Variants in NLRX1 observed in about 807,000 individuals in gnomAD.
NLRX1 encodes NLR family member X1, also known as NOD-like receptor X1.
NLRX1 carries 67 observed loss-of-function variants against 74.2 expected under a neutral mutation model. That is an observed-to-expected ratio of 0.90 (90% CI 0.74 to 1.11). The LOEUF (loss-of-function observed/expected upper bound fraction) is 1.11. NLRX1 is among the 50% of genes least tolerant of loss of function. The probability of loss-of-function intolerance (pLI) is 0.00; values close to 1 mark genes in which losing one functional copy is unlikely to be tolerated. For synonymous variants in NLRX1, 506 were observed against 559.1 expected, an observed-to-expected ratio of 0.91 and a Z score of 1.34; for missense variants, 1,191 against 1,305.4, an observed-to-expected ratio of 0.91 and a Z score of 1.35.
chr11:119,181,353 A>G (rs1948833206), intron 8 of NLRX1, 96 bp downstream of exon 8: 5 of 902,558 alleles, frequency 5.5e-6, no homozygotes, highest in South Asian at 4.1e-5. Flanking sequence ...CACCCAAGGG[A>G]TAGTAAATGG....
intron 5 of NLRX1, 105 bp from the exon 6 acceptor site, chr11:119,174,348 C>G: frequency 8.3e-7 from 1 of 1,208,168 alleles, no homozygotes; most frequent in Non-Finnish European, 1.2e-6. Context: ...TTATCCTCAT[C>G]AATGTCTTCA....
rs1273043891 is a variant in NLRX1 at position 119,180,143 on chromosome 11, A to G, written c.2122A>G (p.Met708Val). The G allele has an allele frequency of 3.1e-6, 5 of 1,613,314 alleles. No individual in the cohort carries two copies. Among genetic ancestry groups the G allele is most frequent in the African/African-American group, 2.7e-5 (2 of 75,066 alleles). Reference protein sequence around the residue: ...LRQLNLAGVRMTPVKCTVVAA... With the variant: ...LRQLNLAGVRVTPVKCTVVAA... Reference sequence around the variant, plus strand: ...TCAGCTCAACCTGGCAGGTGTGCGCATGACACCAGTCAAGTGCACAGTGGT... The same window carrying G: ...TCAGCTCAACCTGGCAGGTGTGCGCGTGACACCAGTCAAGTGCACAGTGGT... Residue 708 changes from methionine (M) to valine (V), a missense_variant, in exon 7 of 10, where the codon ATG becomes GTG. By Grantham distance (21) the Met-to-Val change is conservative (BLOSUM62 1). Transcript: ENST00000409109.
At chr11:119,170,741 C>T (rs1449252290) in intron 1 of NLRX1, among the ~76,000 whole-genome samples, 1 of 152,128 alleles carries the variant, frequency 6.6e-6, no homozygotes, top group Non-Finnish European at 1.5e-5. Context: ...CACAGGACTC[C>T]TATCTGAGCT....
chr11:119,168,335 T>C (rs556703847), upstream of NLRX1: 1 of 152,446 alleles, frequency 6.6e-6, no homozygotes, highest in East Asian at 1.9e-4. Flanking sequence ...CCATTCTTCC[T>C]TCTTTCTTAA....
chr11:119,183,136 G>A lies in NLRX1; in HGVS notation c.2625G>A (p.Leu875=). The A allele has an allele frequency of 1.2e-6, 2 of 1,614,042 alleles. No individual in the cohort carries two copies. The highest frequency in any genetic ancestry group is 8.5e-7 in the Non-Finnish European group (1 of 1,180,010). ...CTGCCAGCCTCTACTTCAATGAGCT[G>A]AGCTCAGAGGGCCGCCAGGTCTTGC... ...LELLHLYFNE[L]SSEGRQVLRD... Residue 875 remains leucine, a synonymous_variant, in exon 10 of 10, where the codon CTG becomes CTA. Transcript: ENST00000409109. This position sits in a 1 kb window ranked among gnomAD's most constrained non-coding sequence, Gnocchi z 5.7.
At chr11:119,181,142 A>G in intron 7 of NLRX1, 29 bp from the exon 8 acceptor site, 1 of 1,559,016 alleles carries the variant, frequency 6.4e-7, no homozygotes, top group Non-Finnish European at 8.8e-7. Context: ...CTGGTCTCTC[A>G]CCTCCCCTCT....
chr11:119,183,547 A>T lies in NLRX1; in HGVS notation c.*108A>T. ...TCTAGAAAGATTCCTTCAGGTCTGGAGGCAGAGGAATGGGCATAGCTGAGC... is the reference window on the plus strand; with the variant it reads ...TCTAGAAAGATTCCTTCAGGTCTGGTGGCAGAGGAATGGGCATAGCTGAGC... On this transcript the variant is annotated 3_prime_UTR_variant, in exon 10 of 10. Transcript: ENST00000409109. The surrounding 1 kb of genome is among the most constrained non-coding windows in gnomAD (Gnocchi z 5.7). 8.7e-7 allele frequency: 1 copy of T among 1,145,124 alleles called. No individual in the cohort carries two copies. The highest frequency in any genetic ancestry group is 1.3e-6 in the Non-Finnish European group (1 of 793,668). The allele number at this position is 1,145,124 out of a possible 1,614,324, so 70.9% of individuals were successfully genotyped here. A position where few individuals can be genotyped will look rare whatever the true frequency, so the allele number is the denominator to read the frequency against.
rs1948618238 is a variant in NLRX1, at chr11:119,173,852, C to G, written c.603C>G (p.Asp201Glu). 1.2e-6 allele frequency: 2 copies of G among 1,613,574 alleles called. No homozygotes were observed. Among genetic ancestry groups the G allele is most frequent in the East Asian group, 4.5e-5 (2 of 44,882 alleles). ...TGCTCATCCCCTTCTCCTGTGAGGACCTGTCATCCCTGGGCCCTGCCCCAG... is the reference window on the plus strand; with the variant it reads ...TGCTCATCCCCTTCTCCTGTGAGGAGCTGTCATCCCTGGGCCCTGCCCCAG... ...FELLIPFSCE[D>E]LSSLGPAPAS... is the part of the protein sequence containing the mutation. Residue 201 changes from aspartate (D) to glutamate (E), a missense_variant, in exon 5 of 10, where the codon GAC (aspartate) becomes GAG (glutamate). Transcript: ENST00000409109. This position sits in a 1 kb window ranked among gnomAD's most constrained non-coding sequence, Gnocchi z 4.0.
intron 7 of NLRX1, 100 bp from the exon 8 acceptor site, chr11:119,181,071 A>G (rs1013330240): frequency 1.1e-4 from 89 of 836,914 alleles, no homozygotes; most frequent in Non-Finnish European, 1.8e-4. Context: ...ATAGATTCCC[A>G]GAGGCAGGCT....
At position 119,182,263 on chromosome 11, in the gene NLRX1, G is replaced by C. The variant is rs763810590; in HGVS notation, c.2524G>C (p.Val842Leu). The change falls in exon 9 of 10, where the codon GTG becomes CTG. Residue 842 changes from valine to leucine, a missense_variant. Coordinates refer to ENST00000409109, the MANE Select transcript of NLRX1 (RefSeq NM_001282144.2). Reference sequence around the variant, plus strand: ...CAACCGGCAGCTGCAGGAGCTGAACGTGGCGTACAACGGTGCTGGTGACAC... The same window carrying C: ...CAACCGGCAGCTGCAGGAGCTGAACCTGGCGTACAACGGTGCTGGTGACAC... ...DRNRQLQELN[V>L]AYNGAGDTAA... 6.2e-7 allele frequency: 1 copy of C among 1,613,818 alleles called. No homozygotes were observed. Among genetic ancestry groups the C allele is most frequent in the South Asian group, 1.1e-5 (1 of 91,080 alleles).
chr11:119,182,470 T>G, intron 9 of NLRX1, 125 bp downstream of exon 9: 1 of 1,362,648 alleles, frequency 7.3e-7, no homozygotes, highest in Non-Finnish European at 1.0e-6. Flanking sequence ...TATTCCTGGT[T>G]TCTGACTGAT....
Position 119,173,732 on chromosome 11 carries a change from A to C in NLRX1, c.483A>C (p.Thr161=). The C allele has an allele frequency of 6.2e-7, 1 of 1,613,898 alleles. No homozygotes were observed. Among genetic ancestry groups the C allele is most frequent in the Non-Finnish European group, 8.5e-7 (1 of 1,180,004 alleles). Residue 161 remains threonine (T), a synonymous_variant, in exon 5 of 10, where the codon ACA becomes ACC. Coordinates refer to ENST00000409109, the MANE Select transcript of NLRX1 (RefSeq NM_001282144.2). The surrounding 1 kb of genome is among the most constrained non-coding windows in gnomAD (Gnocchi z 4.0). ...ATGCCTGTGGGCGCCGGGTGCAGAC[A>C]GTGGTGCTGTATGGGACAGTGGGCA... ...NPDACGRRVQ[T]VVLYGTVGTG... is the part of the protein sequence containing the mutation.
At chr11:119,170,119 C>A (rs1394286475) in intron 1 of NLRX1, among the ~76,000 whole-genome samples, 12 of 150,968 alleles carry the variant, frequency 7.9e-5, no homozygotes, top group Non-Finnish European at 1.5e-4. Context: ...GAGCAAGAAT[C>A]CGGTGAGCCT....
intron 5 of NLRX1, 106 bp from the exon 6 acceptor site, chr11:119,174,347 T>C (rs963148706): frequency 8.3e-7 from 1 of 1,205,280 alleles, no homozygotes; most frequent in African/African-American, 1.5e-5. Flanking sequence ...GTTATCCTCA[T>C]CAATGTCTTC....
chr11:119,177,080 T>C (rs1643366329), intron 6 of NLRX1, among the ~76,000 whole-genome samples: 1 of 152,020 alleles, frequency 6.6e-6, no homozygotes, highest in South Asian at 2.1e-4. Context: ...TTTAATTGTT[T>C]TTTGTTTGTT....
At position 119,183,219 on chromosome 11, in the gene NLRX1, G is replaced by A. The variant is rs1295819973; in HGVS notation, c.2708G>A (p.Gly903Glu). The A allele has an allele frequency of 6.2e-7, 1 of 1,614,238 alleles. No homozygotes were observed. Among genetic ancestry groups the A allele is most frequent in the East Asian group, 2.2e-5 (1 of 44,880 alleles). The stretch of plus-strand genomic sequence containing the variant: ...CGGGTGGTGGTGTCACTGACAGAGG[G>A]GACGGCGGTGTCAGAATACTGGTCA... ...GARVVVSLTE[G>E]TAVSEYWSVI... is the part of the protein sequence containing the mutation. Residue 903 changes from glycine (G) to glutamate (E), a missense_variant, in exon 10 of 10, where the codon GGG becomes GAG. Gly to Glu is a moderately conservative substitution (Grantham distance 98). Coordinates refer to ENST00000409109, the MANE Select transcript of NLRX1 (RefSeq NM_001282144.2). The surrounding 1 kb of genome is among the most constrained non-coding windows in gnomAD (Gnocchi z 5.7).
Position 119,181,259 on chromosome 11 carries a change from TGA to T in NLRX1, c.2354+4_2354+5del. 6.2e-7 allele frequency: 1 copy of T among 1,611,138 alleles called. No homozygotes were observed. Among genetic ancestry groups the T allele is most frequent in the Non-Finnish European group, 8.5e-7 (1 of 1,178,684 alleles). On this transcript the variant is annotated splice_donor_region_variant and intron_variant, in intron 8 of 9. Transcript: ENST00000409109. ...CCAGTGCCAAATTACCACACTGCGG[TGA>T]GTGACCTGGGAGTGGGGCATCCTGG...
Position 119,183,330 on chromosome 11 carries a change from T to C in NLRX1, c.2819T>C (p.Leu940Pro). The change falls in exon 10 of 10, where the codon CTG becomes CCG. Residue 940 changes from leucine to proline, a missense_variant. Leu to Pro is a moderately conservative substitution (Grantham distance 98, BLOSUM62 -3). Coordinates refer to ENST00000409109, the MANE Select transcript of NLRX1 (RefSeq NM_001282144.2). The surrounding 1 kb of genome is among the most constrained non-coding windows in gnomAD (Gnocchi z 5.7). ...QRHLELLLRD[L>P]EDSRGATLNP... ...CACCTTGAGCTCCTACTGCGGGATC[T>C]GGAAGATAGCCGGGGTGCCACCCTT... 1 of 1,614,224 alleles carries C rather than the reference T, an allele frequency of 6.2e-7. No individual in the cohort carries two copies. Among genetic ancestry groups the C allele is most frequent in the Non-Finnish European group, 8.5e-7 (1 of 1,180,040 alleles).
At chr11:119,171,795 CAA>C (rs199857715) in intron 2 of NLRX1, among the ~76,000 whole-genome samples, 4,175 of 145,986 alleles carry the variant, frequency 0.029, 196 homozygotes, top group African/African-American at 0.096. Context: ...ATTAAAACTA[CAA>C]AAAAAAAAAT....
Sources: allele counts gnomAD v4.1 joint callset (sites outside exome capture counted in the v4.1 genomes callset), GRCh38; gene constraint gnomAD v4.1.1; non-coding constraint Gnocchi (gnomAD v3.1); transcripts MANE v1.5; gene names NCBI Gene and HGNC (gene_info 2026-07-23, HGNC 2026-07-21).